GPATCH2: variants seen among roughly 807,000 people sequenced by gnomAD.
GPATCH2 encodes G patch domain-containing protein 2.
In GPATCH2, 51 loss-of-function variants were observed where a neutral mutation model predicts 58.0. The observed-to-expected ratio is 0.88, with a 90% CI of 0.70 to 1.11. The LOEUF (loss-of-function observed/expected upper bound fraction) is 1.11, where lower values mean the gene tolerates loss of function less well. GPATCH2 is among the 50% of genes most tolerant of loss of function. GPATCH2 has a pLI of 0.00. For synonymous variants in GPATCH2, 222 were observed against 218.5 expected (o/e 1.02, Z -0.14); for missense variants, 625 against 652.2 (o/e 0.96, Z 0.45).
chr1:217,468,586 GAAGA>G (rs1442825948), intron 8 of GPATCH2, among the ~76,000 whole-genome samples: 13 of 150,236 alleles, frequency 8.7e-5, no homozygotes, highest in African/African-American at 3.2e-4. Flanking sequence ...AAGAGAGATA[GAAGA>G]GAGAGCTGGA....
At chr1:217,505,796 A>G (rs1213555146) in intron 6 of GPATCH2, among the ~76,000 whole-genome samples, 1 of 152,086 alleles carries the variant, frequency 6.6e-6, no homozygotes, top group Non-Finnish European at 1.5e-5. Context: ...TGGTTATTTA[A>G]ATTTACTTTA....
At position 217,524,270 on chromosome 1, in the gene GPATCH2, G is replaced by A. The variant is rs1247369541; in HGVS notation, c.1099-9381C>T. ...TCCTCACTTCTCAGACGGGGCGGCC[G>A]GGCAGAGACGCTCCTCACTTCCTAG... is the stretch of plus-strand genomic sequence containing the variant. On this transcript the variant is annotated intron_variant, in intron 5 of 9. Coordinates refer to ENST00000366935, the MANE Select transcript of GPATCH2 (RefSeq NM_018040.5). 2.9e-3 allele frequency among the ~76,000 whole-genome samples: 432 copies of A among 150,572 alleles called. 1 individual carries two copies. Among genetic ancestry groups the A allele is most frequent in the Non-Finnish European group, 5.4e-3 (364 of 67,568 alleles).
intron 9 of GPATCH2, among the ~76,000 whole-genome samples, chr1:217,445,010 T>C (rs1255574200): frequency 6.6e-6 from 1 of 152,146 alleles, no homozygotes; most frequent in Non-Finnish European, 1.5e-5. Context: ...AAGATTATTT[T>C]CCTATTGAAA....
intron 2 of GPATCH2, 108 bp from the exon 3 acceptor site, chr1:217,614,310 G>C (rs1218996458): frequency 3.0e-6 from 2 of 659,160 alleles, no homozygotes. Context: ...GCCTGACAAA[G>C]ATCTGAAAGA....
chr1:217,455,021 C>T (rs780183353), intron 8 of GPATCH2, among the ~76,000 whole-genome samples: 9 of 152,114 alleles, frequency 5.9e-5, no homozygotes, highest in Non-Finnish European at 1.2e-4. Flanking sequence ...CATTTGGTAT[C>T]GTGGATCACA....
chr1:217,433,895 A>C (rs1308891571), intron 9 of GPATCH2, among the ~76,000 whole-genome samples: 1 of 152,218 alleles, frequency 6.6e-6, no homozygotes, highest in Non-Finnish European at 1.5e-5. Flanking sequence ...AGTGCTAGAC[A>C]TGAGTTTTAA....
chr1:217,540,804 A>G, intron 5 of GPATCH2, among the ~76,000 whole-genome samples: 1 of 152,260 alleles, frequency 6.6e-6, no homozygotes, highest in Middle Eastern at 3.2e-3. Context: ...GCTAAAGGTG[A>G]AAAGAATAAC....
chr1:217,471,549 CTCTA>C (rs1477302719), intron 8 of GPATCH2, among the ~76,000 whole-genome samples: 4 of 152,128 alleles, frequency 2.6e-5, no homozygotes, highest in African/African-American at 9.7e-5. Flanking sequence ...GCAGCTGTAA[CTCTA>C]TCTGTTACAT....
At chr1:217,558,012 CT>C (rs1558482696) in intron 5 of GPATCH2, among the ~76,000 whole-genome samples, 1 of 152,100 alleles carries the variant, frequency 6.6e-6, no homozygotes, top group East Asian at 1.9e-4. Flanking sequence ...TTTTAACCCC[CT>C]GACTTTTTCA....
intron 6 of GPATCH2, among the ~76,000 whole-genome samples, chr1:217,500,697 G>A (rs561030223): frequency 6.6e-6 from 1 of 152,118 alleles, no homozygotes; most frequent in African/African-American, 2.4e-5. Flanking sequence ...TGTGTTGGGT[G>A]AGACCTTGCA....
intron 5 of GPATCH2, among the ~76,000 whole-genome samples, chr1:217,548,367 T>C (rs1665174197): frequency 6.6e-6 from 1 of 152,184 alleles, no homozygotes; most frequent in Non-Finnish European, 1.5e-5. Flanking sequence ...GACACAAGTT[T>C]ACCTATGTAA....
At position 217,574,320 on chromosome 1, in the gene GPATCH2, C is replaced by T. The variant is rs1666707059; in HGVS notation, c.1098+36001G>A. 2.0e-5 allele frequency among the ~76,000 whole-genome samples: 3 copies of T among 152,210 alleles called. No individual in the cohort carries two copies. The South Asian group carries it at 6.2e-4, about 32-fold the overall frequency. On this transcript the variant is annotated intron_variant, in intron 5 of 9. Coordinates refer to ENST00000366935, the MANE Select transcript of GPATCH2 (RefSeq NM_018040.5). ...ATCCTAGCCCGAGCCCCAAAGCTGC[C>T]GTGGAAATTTAGATTGAAACCAATA...
At chr1:217,573,033 C>T (rs1250487075) in intron 5 of GPATCH2, among the ~76,000 whole-genome samples, 1 of 152,100 alleles carries the variant, frequency 6.6e-6, no homozygotes, top group Non-Finnish European at 1.5e-5. Flanking sequence ...AAAGGAAGTC[C>T]GACACAAAAG....
intron 5 of GPATCH2, among the ~76,000 whole-genome samples, chr1:217,577,138 C>T (rs1468365129): frequency 3.3e-5 from 5 of 152,078 alleles, no homozygotes; most frequent in Non-Finnish European, 7.4e-5. Flanking sequence ...TAGAAACCCG[C>T]ATCTGTCTAT....
intron 5 of GPATCH2, among the ~76,000 whole-genome samples, chr1:217,532,651 C>G (rs950138278): frequency 2.0e-5 from 3 of 152,030 alleles, no homozygotes; most frequent in African/African-American, 7.3e-5. Flanking sequence ...CCCTGCTGAC[C>G]TGACCCCTGA....
At chr1:217,598,747 G>A (rs190969103) in intron 5 of GPATCH2, among the ~76,000 whole-genome samples, 118 of 152,294 alleles carry the variant, frequency 7.7e-4, no homozygotes, top group African/African-American at 2.7e-3. Flanking sequence ...TTACAGGCGT[G>A]AGCCACTGCT....
At chr1:217,616,914 G>T (rs573697898) in intron 2 of GPATCH2, among the ~76,000 whole-genome samples, 1 of 152,028 alleles carries the variant, frequency 6.6e-6, no homozygotes, top group Non-Finnish European at 1.5e-5. Context: ...ACCTCCCATC[G>T]ATTCTAACTC....
chr1:217,523,554 A>T (rs1156733829), intron 5 of GPATCH2, among the ~76,000 whole-genome samples: 4 of 151,610 alleles, frequency 2.6e-5, no homozygotes, highest in Non-Finnish European at 5.9e-5. Flanking sequence ...ACAAAATGAA[A>T]AGTCTCCCAT....
chr1:217,630,223 T>G (rs1247796801), intron 1 of GPATCH2, among the ~76,000 whole-genome samples: 4 of 152,172 alleles, frequency 2.6e-5, no homozygotes, highest in African/African-American at 9.7e-5. Flanking sequence ...TACTTGAATT[T>G]TCTGTGCTTG....
Sources: allele counts gnomAD v4.1 joint callset (sites outside exome capture counted in the v4.1 genomes callset), GRCh38; gene constraint gnomAD v4.1.1; transcripts MANE v1.5; gene names NCBI Gene and HGNC (gene_info 2026-07-23, HGNC 2026-07-21).